The following ITSN1 variants were observed in gnomAD, a reference collection of about 807,000 sequenced individuals.
ITSN1 encodes intersectin-1.
In ITSN1, 58 loss-of-function variants were observed where a neutral mutation model predicts 239.8. The observed-to-expected ratio is 0.24, with a 90% CI of 0.20 to 0.30. ITSN1 has a LOEUF of 0.30. ITSN1 is among the 10% of genes least tolerant of loss of function. The probability of loss-of-function intolerance (pLI) is 1.00; values close to 1 mark genes in which losing one functional copy is unlikely to be tolerated. For synonymous variants in ITSN1, 780 were observed against 770.8 expected, an observed-to-expected ratio of 1.01 and a Z score of -0.20; for missense variants, 1,558 against 2,103.3, an observed-to-expected ratio of 0.74 and a Z score of 5.07.
intron 5 of ITSN1, 186 bp from the exon 6 acceptor site, chr21:33,749,957 A>T: frequency 1.7e-6 from 1 of 595,276 alleles, no homozygotes; most frequent in Non-Finnish European, 3.0e-6. Flanking sequence ...TTGAGTCTTG[A>T]GTCCTTTTGA....
chr21:33,746,853 AG>A (rs372318847), intron 5 of ITSN1, among the ~76,000 whole-genome samples: 216 of 151,890 alleles, frequency 1.4e-3, no homozygotes, highest in African/African-American at 4.8e-3. Flanking sequence ...AGAAAAAAAA[AG>A]GAAAGTTCAA....
Position 33,721,417 on chromosome 21 carries a change from A to T in ITSN1, c.121+147A>T, listed in dbSNP as rs191747791. 10 of 589,556 alleles carry T rather than the reference A, an allele frequency of 1.7e-5. No individual in the cohort carries two copies. In the East Asian group the frequency reaches 2.8e-4, roughly 17 times the overall value. The allele number at this position is 589,556 out of a possible 1,614,324, so 36.5% of individuals were successfully genotyped here. A position where few individuals can be genotyped will look rare whatever the true frequency, so the allele number is the denominator to read the frequency against. ...CTAACCTTGTGCCTGTCCTTTTACA[A>T]TTTTTTTACACATAATGGAATCATA... On this transcript the variant is annotated intron_variant, in intron 3 of 39. Transcript: ENST00000381318.
intron 5 of ITSN1, among the ~76,000 whole-genome samples, chr21:33,743,555 C>G: frequency 6.6e-6 from 1 of 152,086 alleles, no homozygotes; most frequent in Non-Finnish European, 1.5e-5. Context: ...AATGTATGGG[C>G]AGCAGGAGTC....
At chr21:33,725,032 G>A (rs1259539110) in intron 4 of ITSN1, among the ~76,000 whole-genome samples, 1 of 151,308 alleles carries the variant, frequency 6.6e-6, no homozygotes, top group African/African-American at 2.4e-5. Context: ...TGCTTTGGGA[G>A]GCCAAGGTGG....
chr21:33,832,634 A>C (rs2148379927), intron 27 of ITSN1, among the ~76,000 whole-genome samples: 1 of 151,726 alleles, frequency 6.6e-6, no homozygotes, highest in East Asian at 1.9e-4. Flanking sequence ...TTGCGAGCAG[A>C]ATGGTGGTAT....
chr21:33,721,488 A>G (rs1253642495), intron 3 of ITSN1, among the ~76,000 whole-genome samples: 6 of 152,148 alleles, frequency 3.9e-5, no homozygotes, highest in Admixed American at 3.3e-4. Context: ...TGTTTTGTGC[A>G]TGTAATTTAT....
intron 32 of ITSN1, among the ~76,000 whole-genome samples, chr21:33,866,683 C>G (rs1410633101): frequency 1.3e-5 from 2 of 152,182 alleles, no homozygotes; most frequent in African/African-American, 4.8e-5. Flanking sequence ...AGACCACAGC[C>G]TTTGACAGCT....
At position 33,810,985 on chromosome 21, in the gene ITSN1, G is replaced by C; in HGVS notation, c.2330G>C (p.Ser777Thr). The part of the protein sequence containing the change: ...VMVKGEWVDE[S>T]QTGEPGWLGG... ...TGACTTTTTCCACAGGTGGATGAAA[G>C]CCAAACTGGAGAACCCGGCTGGCTT... The change falls in exon 21 of 40, where the codon AGC becomes ACC. Residue 777 changes from serine to threonine, a missense_variant. Physicochemically the swap from Ser to Thr is moderately conservative, Grantham distance 58. This residue lies in a region of ITSN1 where 982 missense variants were observed against 1,209.9 expected (regional missense o/e 0.81). Coordinates refer to ENST00000381318, the MANE Select transcript of ITSN1 (RefSeq NM_003024.3). 1.2e-6 allele frequency: 2 copies of C among 1,614,192 alleles called. No individual in the cohort carries two copies. The highest frequency in any genetic ancestry group is 1.7e-6 in the Non-Finnish European group (2 of 1,180,022).
At chr21:33,742,953 C>T (rs2066950498) in intron 5 of ITSN1, among the ~76,000 whole-genome samples, 1 of 151,900 alleles carries the variant, frequency 6.6e-6, no homozygotes, top group Non-Finnish European at 1.5e-5. Context: ...GAAAGCACAC[C>T]AGTAAATCAC....
intron 24 of ITSN1, among the ~76,000 whole-genome samples, chr21:33,819,761 T>A (rs1256881147): frequency 2.0e-5 from 3 of 151,936 alleles, no homozygotes; most frequent in African/African-American, 7.3e-5. Flanking sequence ...GGCGGGTGGA[T>A]CATGAGGTCA....
intron 32 of ITSN1, among the ~76,000 whole-genome samples, chr21:33,866,025 A>G (rs1251491736): frequency 1.3e-5 from 2 of 152,254 alleles, no homozygotes; most frequent in Admixed American, 1.3e-4. Context: ...AGAGAATAAA[A>G]TAGCTTCTGT....
intron 31 of ITSN1, among the ~76,000 whole-genome samples, chr21:33,859,217 A>G (rs1979990807): frequency 6.6e-6 from 1 of 152,156 alleles, no homozygotes; most frequent in South Asian, 2.1e-4. Flanking sequence ...GGAACTGTTC[A>G]CTGCCTAACA....
chr21:33,784,600 G>A (rs2070493477), intron 16 of ITSN1, among the ~76,000 whole-genome samples: 1 of 152,216 alleles, frequency 6.6e-6, no homozygotes, highest in South Asian at 2.1e-4. Flanking sequence ...TGAATATGTT[G>A]TGTTATGGTT....
chr21:33,867,638 TA>T (rs3057468), intron 33 of ITSN1, among the ~76,000 whole-genome samples: 60,940 of 142,618 alleles, frequency 0.43, 13,901 homozygotes, highest in African/African-American at 0.63. Flanking sequence ...CTATCTCTAT[TA>T]AAAAAAAAAA....
chr21:33,710,228 GC>G (rs959737036), intron 1 of ITSN1, among the ~76,000 whole-genome samples: 2 of 151,866 alleles, frequency 1.3e-5, no homozygotes, highest in African/African-American at 4.8e-5. Context: ...GCAGGCACCG[GC>G]CACCACGCCT....
chr21:33,899,810 G>C lies in ITSN1; in HGVS notation c.*11510G>C, dbSNP rs1986994988. ...CAAAAAACAACTCTTTGGTCATTTT[G>C]ACCTGTGTGGTTTAAATTCAAATAG... On this transcript the variant is annotated 3_prime_UTR_variant, in exon 40 of 40. Transcript: ENST00000381318. 2 of 152,156 alleles carry C rather than the reference G, an allele frequency of 1.3e-5. No individual in the cohort carries two copies. 9.4% of individuals were successfully genotyped at this position (152,156 alleles called of 1,614,324 possible).
At chr21:33,647,756 A>G (rs555097744) in intron 1 of ITSN1, among the ~76,000 whole-genome samples, 1 of 152,138 alleles carries the variant, frequency 6.6e-6, no homozygotes, top group African/African-American at 2.4e-5. Context: ...TCAGCCTCCC[A>G]AAGTGCTGGG....
rs542774100 is a variant in ITSN1, at chr21:33,827,102, G to T, written c.3229+239G>T. On this transcript the variant is annotated intron_variant, in intron 26 of 39. Coordinates refer to ENST00000381318, the MANE Select transcript of ITSN1 (RefSeq NM_003024.3). ...ACAGAATGTTCTCTTGGGTTGTCGA[G>T]AAATAATTCAGGTGAGGCCAGGCAC... Among the ~76,000 whole-genome samples the T allele has an allele frequency of 2.6e-5, 4 of 152,310 alleles. No individual in the cohort carries two copies. The East Asian group carries it at 7.7e-4, about 29-fold the overall frequency.
At chr21:33,769,177 T>A (rs959061237) in intron 11 of ITSN1, among the ~76,000 whole-genome samples, 1 of 152,202 alleles carries the variant, frequency 6.6e-6, no homozygotes, top group African/African-American at 2.4e-5. Flanking sequence ...GAGAATGAAA[T>A]TTCAATGGCA....
Sources: gnomAD v4.1 joint callset for allele counts (sites outside exome capture counted in the v4.1 genomes callset) on GRCh38, gnomAD v4.1.1 for gene constraint, gnomAD v4.1.1 regional missense constraint, MANE v1.5 for transcripts, NCBI Gene and HGNC (gene_info 2026-07-23, HGNC 2026-07-21) for gene names.